ADSL: variants seen among roughly 807,000 people sequenced by gnomAD.
ADSL encodes adenylosuccinate lyase, also known as adenylosuccinase.
Under a neutral mutation model 62.1 loss-of-function variants are expected in ADSL, and 44 were observed. The ratio of observed to expected loss-of-function variants is 0.71; its 90% CI spans 0.56 to 0.91. The LOEUF (loss-of-function observed/expected upper bound fraction) is 0.91. ADSL is among the 40% of genes least tolerant of loss of function. ADSL has a pLI of 0.00. For synonymous variants in ADSL, 198 were observed against 220.5 expected (o/e 0.90, Z 0.90); for missense variants, 531 against 627.4 (o/e 0.85, Z 1.64).
intron 4 of ADSL, among the ~76,000 whole-genome samples, 200 bp from the exon 5 acceptor site, chr22:40,358,664 A>G (rs977188808): frequency 2.6e-5 from 4 of 152,190 alleles, no homozygotes; most frequent in African/African-American, 7.2e-5. Flanking sequence ...CTCCTTGACT[A>G]TTTGTAAATG....
In ADSL at chr22:40,352,506, C is replaced by T. The variant is rs145387464; in HGVS notation, c.358-567C>T. On this transcript the variant is annotated intron_variant, in intron 2 of 12. Coordinates refer to ENST00000623063, the MANE Select transcript of ADSL (RefSeq NM_000026.4). ...TCGCGCCACTGCACTACAGCCTGGGCGACAGAGCGAGACTCCCATCTTAAA... is the reference window on the plus strand; with the variant it reads ...TCGCGCCACTGCACTACAGCCTGGGTGACAGAGCGAGACTCCCATCTTAAA... Among the ~76,000 whole-genome samples the T allele has an allele frequency of 1.2e-3, 175 of 151,694 alleles. 2 individuals are homozygous for T. The highest frequency in any genetic ancestry group is 2.3e-3 in the Non-Finnish European group (158 of 67,946).
At chr22:40,373,804 C>T (rs761725624), downstream of ADSL, among the ~76,000 whole-genome samples, 23 of 151,768 alleles carry the variant, frequency 1.5e-4, no homozygotes, top group Non-Finnish European at 3.1e-4. Context: ...TTAGTAGAGA[C>T]GAGGTTTCAC....
intron 2 of ADSL, 65 bp from the exon 3 acceptor site, chr22:40,353,006 AGT>A: frequency 7.0e-7 from 1 of 1,431,408 alleles, no homozygotes; most frequent in South Asian, 1.2e-5. Flanking sequence ...CTGGCCAAAA[AGT>A]GTTATGTAAT....
At chr22:40,360,022 T>C (rs561186176) in intron 6 of ADSL, among the ~76,000 whole-genome samples, 2 of 152,336 alleles carry the variant, frequency 1.3e-5, no homozygotes, top group South Asian at 2.1e-4. Flanking sequence ...GGCATTTCTA[T>C]TGGGCTGTGG....
intron 2 of ADSL, among the ~76,000 whole-genome samples, chr22:40,384,372 C>G (rs528060486): frequency 6.6e-6 from 1 of 152,246 alleles, no homozygotes; most frequent in South Asian, 2.1e-4. Flanking sequence ...TAGATTTATT[C>G]AGGAAACACA....
At position 40,366,979 on chromosome 22, in the gene ADSL, TAAAA is replaced by T. The variant is rs71718801; in HGVS notation, c.*471_*474del. On this transcript the variant is annotated 3_prime_UTR_variant, in exon 13 of 13. Transcript: ENST00000623063. Reference sequence around the variant, plus strand: ...GAAGTTTGGAACTACAGTAAATACTTAAAAAAAAAAAAAAAAAGAACCAAACCCT... The same window carrying T: ...GAAGTTTGGAACTACAGTAAATACTTAAAAAAAAAAAAAGAACCAAACCCT... 1 of 135,710 alleles carries T rather than the reference TAAAA, an allele frequency of 7.4e-6. No homozygotes were observed. Among genetic ancestry groups the T allele is most frequent in the Non-Finnish European group, 1.6e-5 (1 of 63,688 alleles). The allele number at this position is 135,710 out of a possible 1,614,324, so 8.4% of individuals were successfully genotyped here.
In ADSL at chr22:40,363,057, G is replaced by A. The variant is rs375375168; in HGVS notation, c.1087G>A (p.Val363Ile). ...NTLQNISEGL[V>I]VYPKVIERRI... ...GCTGCAGAACATTTCTGAAGGATTG[G>A]TCGTGTACCCCAAAGTAAGAAGCCT... The change falls in exon 10 of 13, where the codon GTC becomes ATC. Residue 363 changes from valine (V) to isoleucine (I), a missense_variant. Transcript: ENST00000623063. 8 of 1,614,076 alleles carry A rather than the reference G, an allele frequency of 5.0e-6. No homozygotes were observed. The highest frequency in any genetic ancestry group is 8.5e-7 in the Non-Finnish European group (1 of 1,179,958).
downstream of ADSL, among the ~76,000 whole-genome samples, chr22:40,371,492 G>C (rs931444309): frequency 6.6e-6 from 1 of 152,048 alleles, no homozygotes; most frequent in Non-Finnish European, 1.5e-5. Flanking sequence ...ATCAGACTCT[G>C]ATTCACAAAA....
At position 40,366,438 on chromosome 22, in the gene ADSL, G is replaced by T; in HGVS notation, c.1371G>T (p.Val457=). The change falls in exon 13 of 13, where the codon GTG becomes GTT. Residue 457 remains valine, a splice_region_variant and synonymous_variant. Coordinates refer to ENST00000623063, the MANE Select transcript of ADSL (RefSeq NM_000026.4). The part of the protein sequence containing the change: ...SSFTGRASQQ[V]QRFLEEEVYP... ...TTGTATTTGCTTTCCTCTGGCAGGT[G>T]CAGAGATTCTTAGAAGAGGAGGTGT... 6.2e-7 allele frequency: 1 copy of T among 1,607,760 alleles called. No individual in the cohort carries two copies. Among genetic ancestry groups the T allele is most frequent in the Non-Finnish European group, 8.5e-7 (1 of 1,174,338 alleles).
intron 2 of ADSL, among the ~76,000 whole-genome samples, chr22:40,385,350 A>G (rs2048246130): frequency 6.6e-6 from 1 of 152,166 alleles, no homozygotes; most frequent in African/African-American, 2.4e-5. Context: ...GTACAGGGAT[A>G]GTTGCTTTGT....
intron 2 of ADSL, among the ~76,000 whole-genome samples, chr22:40,385,381 G>T (rs1364048786): frequency 6.6e-6 from 1 of 152,206 alleles, no homozygotes; most frequent in East Asian, 1.9e-4. Context: ...TTAATTCAGG[G>T]TTCAGGAGAT....
downstream of ADSL, among the ~76,000 whole-genome samples, chr22:40,372,420 T>C (rs2045766791): frequency 6.6e-6 from 1 of 152,146 alleles, no homozygotes; most frequent in South Asian, 2.1e-4. Flanking sequence ...CCACCGTGCC[T>C]GGCCCTCCCT....
At chr22:40,373,555 G>A (rs1453442176), downstream of ADSL, 1 of 152,198 alleles carries the variant, frequency 6.6e-6, no homozygotes, top group Non-Finnish European at 1.5e-5. Flanking sequence ...AGATTAATGA[G>A]AGAGGGTAGT....
At chr22:40,354,453 G>A in intron 4 of ADSL, 126 bp downstream of exon 4, 1 of 824,584 alleles carries the variant, frequency 1.2e-6, no homozygotes, top group Non-Finnish European at 2.1e-6. Context: ...AGTAATTTGG[G>A]ATGCTTATAA....
intron 4 of ADSL, 38 bp from the exon 5 acceptor site, chr22:40,358,826 C>A: frequency 9.2e-7 from 1 of 1,081,180 alleles, no homozygotes; most frequent in South Asian, 1.5e-5. Context: ...TTTAAGGTCT[C>A]GGTCTGAGAC....
At chr22:40,369,432 AAATATACATTCATATATATTATATAT>A (rs1284419403), downstream of ADSL, 201 of 146,856 alleles carry the variant, frequency 1.4e-3, 1 homozygote, top group Middle Eastern at 7.2e-3. Context: ...TATATATATA[AAATATACATTCATATATATTATATAT>A]AATATACATT....
chr22:40,359,422 C>T (rs1245715472), intron 6 of ADSL, 116 bp downstream of exon 6: 8 of 924,174 alleles, frequency 8.7e-6, no homozygotes, highest in African/African-American at 1.7e-5. Flanking sequence ...TTCTTCTACC[C>T]ATTTTTTTTT....
intron 1 of ADSL, 30 bp from the exon 2 acceptor site, chr22:40,349,802 C>A: frequency 1.3e-6 from 2 of 1,590,192 alleles, no homozygotes; most frequent in East Asian, 4.5e-5. Context: ...GACACTGAGA[C>A]TATTTTATTT....
intron 3 of ADSL, 125 bp downstream of exon 3, chr22:40,353,242 C>G: frequency 1.3e-6 from 1 of 767,894 alleles, no homozygotes; most frequent in Non-Finnish European, 2.4e-6. Context: ...AGGTGAATGA[C>G]AACCCTATGT....
Sources: gnomAD v4.1 joint callset for allele counts (sites outside exome capture counted in the v4.1 genomes callset) on GRCh38, gnomAD v4.1.1 for gene constraint, MANE v1.5 for transcripts, NCBI Gene and HGNC (gene_info 2026-07-23, HGNC 2026-07-21) for gene names.